The following CNOT6 variants were observed in gnomAD, a reference collection of about 807,000 sequenced individuals.
CNOT6 encodes the protein CCR4-NOT transcription complex subunit 6, also known as carbon catabolite repression 4 protein.
CNOT6 carries 12 observed loss-of-function variants against 61.2 expected under a neutral mutation model. That is an observed-to-expected ratio of 0.20 (90% confidence interval 0.13 to 0.32). The LOEUF is 0.32. Among genes scored for constraint, CNOT6 ranks in the 10% least tolerant of loss-of-function variants. The pLI is 1.00. For missense variants in CNOT6, 405 were observed against 663.9 expected, an observed-to-expected ratio of 0.61 and a Z score of 4.28; for synonymous variants, 225 against 240.6, an observed-to-expected ratio of 0.94 and a Z score of 0.60.
intron 4 of CNOT6, among the ~76,000 whole-genome samples, chr5:180,562,279 G>A (rs1444561950): frequency 6.6e-6 from 1 of 152,136 alleles, no homozygotes; most frequent in Non-Finnish European, 1.5e-5. Context: ...GGGAAGAATA[G>A]GGAAAAGTGT....
At position 180,574,515 on chromosome 5, in the gene CNOT6, G is replaced by A. The variant is rs191595700; in HGVS notation, c.*315G>A. 374 of 371,704 alleles carry A rather than the reference G, an allele frequency of 1.0e-3. No homozygotes were observed. Among genetic ancestry groups the A allele is most frequent in the African/African-American group, 5.7e-3 (274 of 48,488 alleles). The allele number at this position is 371,704 out of a possible 1,614,324, so 23.0% of individuals were successfully genotyped here. ...GGAAATAGGAAAATGTGTGAACAGC[G>A]TATTCTCTTCACACAGAAATCTGTA... On this transcript the variant is annotated 3_prime_UTR_variant, in exon 12 of 12. Coordinates refer to ENST00000261951, the MANE Select transcript of CNOT6 (RefSeq NM_001370472.1).
At chr5:180,529,075 G>T (rs1403041655) in intron 1 of CNOT6, among the ~76,000 whole-genome samples, 200 bp from the exon 2 acceptor site, 1 of 152,022 alleles carries the variant, frequency 6.6e-6, no homozygotes, top group East Asian at 1.9e-4. Flanking sequence ...CCGGCATGGT[G>T]GTGCACGCCT....
chr5:180,502,685 A>C (rs1216715401), intron 1 of CNOT6, among the ~76,000 whole-genome samples: 5 of 142,744 alleles, frequency 3.5e-5, no homozygotes, highest in Non-Finnish European at 7.9e-5. Flanking sequence ...GATTAGGTGC[A>C]TTGAGTGGTT....
At chr5:180,505,838 G>A (rs1246547438) in intron 1 of CNOT6, among the ~76,000 whole-genome samples, 1 of 152,168 alleles carries the variant, frequency 6.6e-6, no homozygotes, top group Non-Finnish European at 1.5e-5. Context: ...TTGAGCCACT[G>A]AGCCCAGCCA....
At chr5:180,550,608 T>C (rs34693772) in intron 3 of CNOT6, among the ~76,000 whole-genome samples, 25,488 of 152,198 alleles carry the variant, frequency 0.17, 2,266 homozygotes, top group Non-Finnish European at 0.19. Context: ...AAGTAGATCA[T>C]TGGCTGAATT....
Position 180,550,137 on chromosome 5 carries a change from T to C in CNOT6, c.299+20T>C. On this transcript the variant is annotated intron_variant, in intron 3 of 11. Coordinates refer to ENST00000261951, the MANE Select transcript of CNOT6 (RefSeq NM_001370472.1). ...ACTCAGGTATGCAGATTCAACTTAA[T>C]ACATACTAGCTATATGACCCCTAAA... is the stretch of plus-strand genomic sequence containing the variant. 6.2e-7 allele frequency: 1 copy of C among 1,602,522 alleles called. No individual in the cohort carries two copies. The highest frequency in any genetic ancestry group is 8.5e-7 in the Non-Finnish European group (1 of 1,169,794).
At chr5:180,516,880 C>T in intron 1 of CNOT6, among the ~76,000 whole-genome samples, 1 of 152,162 alleles carries the variant, frequency 6.6e-6, no homozygotes, top group East Asian at 1.9e-4. Context: ...CCTTTGGTGT[C>T]ATTTGGCCAG....
intron 4 of CNOT6, among the ~76,000 whole-genome samples, chr5:180,557,269 G>A (rs868348794): frequency 7.2e-5 from 11 of 152,308 alleles, no homozygotes; most frequent in African/African-American, 2.2e-4. Flanking sequence ...GTCCAGGAGT[G>A]CAGTTACTGG....
chr5:180,508,181 T>C (rs1309692323), intron 1 of CNOT6, among the ~76,000 whole-genome samples: 1 of 150,178 alleles, frequency 6.7e-6, no homozygotes, highest in African/African-American at 2.4e-5. Flanking sequence ...GGAAGTAAAA[T>C]GGGCTAGAGT....
At chr5:180,539,613 G>T (rs1028727016) in intron 2 of CNOT6, among the ~76,000 whole-genome samples, 1 of 93,780 alleles carries the variant, frequency 1.1e-5, no homozygotes, top group African/African-American at 4.2e-5. Context: ...TTTTTGAGAC[G>T]GAGTCTTGTT....
chr5:180,536,568 GAGT>G (rs1215032493), intron 2 of CNOT6, among the ~76,000 whole-genome samples: 1 of 152,026 alleles, frequency 6.6e-6, no homozygotes, highest in Non-Finnish European at 1.5e-5. Flanking sequence ...TCAGCCTCCT[GAGT>G]AGCTGGGACT....
chr5:180,549,250 AT>A (rs947621282), intron 2 of CNOT6, among the ~76,000 whole-genome samples: 1 of 152,178 alleles, frequency 6.6e-6, no homozygotes, highest in Non-Finnish European at 1.5e-5. Flanking sequence ...AGATAGTAGA[AT>A]TTGTGTTATT....
intron 4 of CNOT6, among the ~76,000 whole-genome samples, chr5:180,562,861 C>G (rs1429770229): frequency 6.6e-6 from 1 of 152,144 alleles, no homozygotes; most frequent in Non-Finnish European, 1.5e-5. Flanking sequence ...ACAAAGGGTC[C>G]TGATAAGCTT....
chr5:180,549,266 A>G (rs1262637598), intron 2 of CNOT6, among the ~76,000 whole-genome samples: 1 of 152,180 alleles, frequency 6.6e-6, no homozygotes, highest in African/African-American at 2.4e-5. Flanking sequence ...GTTATTTTGC[A>G]TAAGTCCAAA....
chr5:180,517,832 G>A (rs1279905337), intron 1 of CNOT6, among the ~76,000 whole-genome samples: 2 of 152,194 alleles, frequency 1.3e-5, no homozygotes, highest in African/African-American at 4.8e-5. Context: ...GTGAGCTACT[G>A]CGCCTGGCCG....
intron 1 of CNOT6, among the ~76,000 whole-genome samples, chr5:180,514,025 G>C (rs543245196): frequency 6.6e-6 from 1 of 151,974 alleles, no homozygotes; most frequent in South Asian, 2.1e-4. Flanking sequence ...TGTAGAGATA[G>C]GGGTTTCCCT....
intron 1 of CNOT6, chr5:180,495,688 C>T (rs1417305667): frequency 6.6e-6 from 1 of 152,114 alleles, no homozygotes; most frequent in Non-Finnish European, 1.5e-5. Flanking sequence ...ATCTTCTTGC[C>T]TACTTGTATC....
chr5:180,515,688 C>T (rs1333276552), intron 1 of CNOT6, among the ~76,000 whole-genome samples: 1 of 151,938 alleles, frequency 6.6e-6, no homozygotes, highest in Non-Finnish European at 1.5e-5. Context: ...TTCATATGCG[C>T]CCTAACTTAC....
At chr5:180,571,816 G>A (rs2127768440) in intron 11 of CNOT6, among the ~76,000 whole-genome samples, 1 of 152,194 alleles carries the variant, frequency 6.6e-6, no homozygotes, top group East Asian at 1.9e-4. Flanking sequence ...TTCCACCTCA[G>A]CCTCCCAGTG....
Sources: allele counts gnomAD v4.1 joint callset (sites outside exome capture counted in the v4.1 genomes callset), GRCh38; gene constraint gnomAD v4.1.1; transcripts MANE v1.5; gene names NCBI Gene and HGNC (gene_info 2026-07-23, HGNC 2026-07-21).